Variants in DNAH6 observed in about 807,000 individuals in gnomAD.
The protein encoded by DNAH6 is dynein axonemal heavy chain 6.
Under a neutral mutation model 491.4 loss-of-function variants are expected in DNAH6, and 340 were observed. The ratio of observed to expected loss-of-function variants is 0.69; its 90% confidence interval spans 0.63 to 0.76. DNAH6 has a LOEUF of 0.76. DNAH6 is among the 30% of genes least tolerant of loss of function. DNAH6 has a pLI of 0.00. For synonymous variants in DNAH6, 1,603 were observed against 1,686.1 expected, an observed-to-expected ratio of 0.95 and a Z score of 1.21; for missense variants, 4,443 against 4,972.2, an observed-to-expected ratio of 0.89 and a Z score of 3.20.
intron 64 of DNAH6, chr2:84,778,120 A>T: frequency 2.6e-6 from 2 of 781,072 alleles, no homozygotes; most frequent in Non-Finnish European, 4.7e-6. Flanking sequence ...GGCATGGCAC[A>T]GGCCATGCCA....
intron 11 of DNAH6, among the ~76,000 whole-genome samples, chr2:84,561,069 C>A (rs1680618770): frequency 6.6e-6 from 1 of 151,830 alleles, no homozygotes; most frequent in Admixed American, 6.6e-5. Context: ...AGTTTACAGT[C>A]CCACCAACAG....
intron 44 of DNAH6, among the ~76,000 whole-genome samples, chr2:84,687,173 TAATTTTACCCTCTGGTA>T (rs1293379424): frequency 2.6e-5 from 4 of 152,346 alleles, no homozygotes; most frequent in Non-Finnish European, 4.4e-5. Context: ...CCTCTGGACC[TAATTTTACCCTCTGGTA>T]AATTTTACCC....
the DNAH6 span, among the ~76,000 whole-genome samples, chr2:84,506,506 T>C: frequency 6.7e-4 from 102 of 152,244 alleles, 3 homozygotes; most frequent in East Asian, 0.015. Flanking sequence ...AATTTTCTCC[T>C]ATTCTGTAGG....
At chr2:84,526,180 A>G (rs1248216712) in intron 3 of DNAH6, among the ~76,000 whole-genome samples, 1 of 152,116 alleles carries the variant, frequency 6.6e-6, no homozygotes, top group Non-Finnish European at 1.5e-5. Context: ...AGCTCAGGGA[A>G]GAAATCACCA....
At position 84,713,889 on chromosome 2, in the gene DNAH6, G is replaced by T. The variant is rs987287268; in HGVS notation, c.9543+630G>T. Among the ~76,000 whole-genome samples the T allele has an allele frequency of 9.9e-4, 151 of 152,260 alleles. 1 individual carries two copies. Among genetic ancestry groups the T allele is most frequent in the African/African-American group, 3.5e-3 (146 of 41,552 alleles). The stretch of plus-strand genomic sequence containing the variant: ...ATCTTGTCCCCTTCTCATGCTCTTA[G>T]ATTCTTTGAGTGGAGCTGTGTGAGC... On this transcript the variant is annotated intron_variant, in intron 57 of 76. Transcript: ENST00000389394.
intron 16 of DNAH6, among the ~76,000 whole-genome samples, chr2:84,592,354 T>G (rs986970421): frequency 2.6e-5 from 4 of 151,850 alleles, no homozygotes; most frequent in African/African-American, 9.7e-5. Context: ...ACACCCAACA[T>G]CAATAATCAT....
intron 33 of DNAH6, among the ~76,000 whole-genome samples, chr2:84,651,013 C>T (rs1273662760): frequency 6.6e-6 from 1 of 152,180 alleles, no homozygotes; most frequent in Non-Finnish European, 1.5e-5. Flanking sequence ...CTGGTGGGAG[C>T]AGTCATTTCT....
At position 84,709,503 on chromosome 2, in the gene DNAH6, C is replaced by G. The variant is rs557863373; in HGVS notation, c.9209C>G (p.Thr3070Ser). 7.1e-6 allele frequency: 11 copies of G among 1,551,556 alleles called. No individual in the cohort carries two copies. Among genetic ancestry groups the G allele is most frequent in the Non-Finnish European group, 9.6e-6 (11 of 1,146,988 alleles). ...LISTENGILVTQGRRWPLMID... is the reference protein window; with the variant it reads ...LISTENGILVSQGRRWPLMID... The stretch of plus-strand genomic sequence containing the variant: ...TCAACAGAAAATGGCATTTTGGTTA[C>G]TCAAGGCAGAAGATGGCCTTTGATG... The change falls in exon 55 of 77, where the codon ACT becomes AGT. Residue 3070 changes from threonine to serine, a missense_variant. Around this residue, in one of 3 missense-constraint regions of DNAH6, gnomAD observed 1,463 missense variants for 1,656.6 expected, o/e 0.88. Coordinates refer to ENST00000389394, the MANE Select transcript of DNAH6 (RefSeq NM_001370.2).
intron 10 of DNAH6, among the ~76,000 whole-genome samples, chr2:84,554,943 C>T (rs1456447676): frequency 6.6e-6 from 1 of 152,226 alleles, no homozygotes; most frequent in East Asian, 1.9e-4. Context: ...CCCTGTTCCC[C>T]ACATGGGTAT....
Position 84,548,292 on chromosome 2 carries a change from T to C in DNAH6, c.1191T>C (p.Tyr397=). ...DDCAFGPFED[Y]HKVQSSGSFI... is the part of the protein sequence containing the mutation. ...TGTTCCTTCTGTTATTCTTAGATTA[T>C]CATAAAGTGCAGAGCAGTGGAAGTT... is the stretch of plus-strand genomic sequence containing the variant. Residue 397 remains tyrosine (Y), a synonymous_variant, in exon 8 of 77, where the codon TAT becomes TAC. Coordinates refer to ENST00000389394, the MANE Select transcript of DNAH6 (RefSeq NM_001370.2). 1 of 1,610,128 alleles carries C rather than the reference T, an allele frequency of 6.2e-7. No homozygotes were observed. The highest frequency in any genetic ancestry group is 8.5e-7 in the Non-Finnish European group (1 of 1,178,996).
chr2:84,507,908 G>T, the DNAH6 span, among the ~76,000 whole-genome samples: 112 of 152,326 alleles, frequency 7.4e-4, no homozygotes, highest in African/African-American at 2.6e-3. Context: ...TGCATCCCAG[G>T]GATGAAGCCC....
intron 70 of DNAH6, among the ~76,000 whole-genome samples, chr2:84,801,632 C>T (rs186568983): frequency 6.6e-6 from 1 of 152,052 alleles, no homozygotes; most frequent in Non-Finnish European, 1.5e-5. Flanking sequence ...GCCTGTAATC[C>T]TAACACTTTG....
At chr2:84,640,256 C>T (rs1180007455) in intron 31 of DNAH6, among the ~76,000 whole-genome samples, 174 bp from the exon 32 acceptor site, 3 of 152,156 alleles carry the variant, frequency 2.0e-5, no homozygotes, top group Non-Finnish European at 2.9e-5. Context: ...TCTGCCTTCC[C>T]GTTTCCTGTG....
intron 63 of DNAH6, among the ~76,000 whole-genome samples, chr2:84,759,228 C>A (rs996883550): frequency 1.3e-5 from 2 of 151,710 alleles, no homozygotes; most frequent in Admixed American, 1.3e-4. Flanking sequence ...AAATACCTGG[C>A]TGGGCGCAGT....
intron 9 of DNAH6, among the ~76,000 whole-genome samples, chr2:84,552,047 TC>T (rs1320590719): frequency 0.011 from 944 of 83,446 alleles, 11 homozygotes; most frequent in African/African-American, 0.046. Context: ...AAACTCCGTC[TC>T]AAAAAAAAAA....
chr2:84,688,729 TA>T, intron 45 of DNAH6, 136 bp downstream of exon 45: 1 of 650,288 alleles, frequency 1.5e-6, no homozygotes, highest in Non-Finnish European at 2.4e-6. Context: ...CACCATAACT[TA>T]AGAGTTATTG....
chr2:84,497,518 A>G, the DNAH6 span, among the ~76,000 whole-genome samples: 1 of 152,162 alleles, frequency 6.6e-6, no homozygotes, highest in Non-Finnish European at 1.5e-5. Context: ...TTTACTGGCA[A>G]TTTACTGACT....
Position 84,816,004 on chromosome 2 carries a change from A to G in DNAH6, c.12294A>G (p.Gln4098=). ...VLPVVHFEPQ[Q]NYKPSPTLYH... ...CTGTGGTGCATTTTGAACCACAACA[A>G]AACTATAAGCCAAGCCCAACACTTT... The change falls in exon 76 of 77, where the codon CAA becomes CAG. Residue 4098 remains glutamine (Q), a synonymous_variant. Coordinates refer to ENST00000389394, the MANE Select transcript of DNAH6 (RefSeq NM_001370.2). 2 of 1,551,850 alleles carry G rather than the reference A, an allele frequency of 1.3e-6. No individual in the cohort carries two copies. Among genetic ancestry groups the G allele is most frequent in the South Asian group, 1.2e-5 (1 of 84,058 alleles).
chr2:84,790,184 A>G lies in DNAH6; in HGVS notation c.11239+2882A>G, dbSNP rs556406413. Among the ~76,000 whole-genome samples the G allele has an allele frequency of 2.2e-4, 33 of 152,378 alleles. 1 individual carries two copies. Among genetic ancestry groups the G allele is most frequent in the African/African-American group, 7.7e-4 (32 of 41,594 alleles). ...GGGGGAAGGATAGTCTTTTCAACACATGATGCTGGGACAATTGGGTGTCCA... is the reference window on the plus strand; with the variant it reads ...GGGGGAAGGATAGTCTTTTCAACACGTGATGCTGGGACAATTGGGTGTCCA... On this transcript the variant is annotated intron_variant, in intron 68 of 76. Transcript: ENST00000389394.
Sources: gnomAD v4.1 joint callset for allele counts (sites outside exome capture counted in the v4.1 genomes callset) on GRCh38, gnomAD v4.1.1 for gene constraint, gnomAD v4.1.1 regional missense constraint, MANE v1.5 for transcripts, NCBI Gene and HGNC (gene_info 2026-07-23, HGNC 2026-07-21) for gene names.